Variants in GPR161 observed in about 807,000 individuals in gnomAD.
GPR161 encodes G-protein coupled receptor RE2.
A neutral mutation model predicts 39.2 loss-of-function variants in GPR161; 25 were observed. That is an observed-to-expected ratio of 0.64 (90% CI 0.47 to 0.89). The LOEUF (loss-of-function observed/expected upper bound fraction) is 0.89. GPR161 is among the 40% of genes least tolerant of loss of function. The pLI is 0.00. For missense variants in GPR161, 547 were observed against 677.8 expected (o/e 0.81, Z 2.14); for synonymous variants, 286 against 276.6 (o/e 1.03, Z -0.34).
At chr1:168,094,515 C>A (rs561151619) in intron 3 of GPR161, among the ~76,000 whole-genome samples, 2 of 152,148 alleles carry the variant, frequency 1.3e-5, no homozygotes, top group African/African-American at 4.8e-5. Flanking sequence ...TCCATCAGCC[C>A]GTGAAATAAA....
chr1:168,080,131 T>C lies in GPR161; in HGVS notation c.*5400A>G, dbSNP rs1425203215. The C allele has an allele frequency of 6.6e-6, 1 of 152,046 alleles. No homozygotes were observed. Among genetic ancestry groups the C allele is most frequent in the East Asian group, 1.9e-4 (1 of 5,194 alleles). 9.4% of individuals were successfully genotyped at this position (152,046 alleles called of 1,614,324 possible). On this transcript the variant is annotated 3_prime_UTR_variant, in exon 6 of 6. Transcript: ENST00000682931. ...TTTGGAATCCAAAGTATTTGTTAGA[T>C]ACTTTCCAGTGAGTCCAGTCACTTT...
At chr1:168,087,340 T>G (rs1694617041) in intron 5 of GPR161, among the ~76,000 whole-genome samples, 1 of 151,822 alleles carries the variant, frequency 6.6e-6, no homozygotes, top group South Asian at 2.1e-4. Flanking sequence ...TGTGGGTGTG[T>G]GTGTGTGTGT....
chr1:168,096,503 G>GT lies in GPR161; in HGVS notation c.1099+4dup. The GT allele has an allele frequency of 6.2e-7, 1 of 1,611,606 alleles. No individual in the cohort carries two copies. Among genetic ancestry groups the GT allele is most frequent in the Non-Finnish European group, 8.5e-7 (1 of 1,178,620 alleles). Reference sequence around the variant, plus strand: ...GAGGGGCTATCCTAACAATGCCCAAGTTACCTGTGATCCTGTTGGAAATGC... The same window carrying GT: ...GAGGGGCTATCCTAACAATGCCCAAGTTTACCTGTGATCCTGTTGGAAATGC... On this transcript the variant is annotated splice_donor_region_variant and intron_variant, in intron 3 of 5. Transcript: ENST00000682931.
rs199578130 is a variant in GPR161, at chr1:168,096,710, G to C, written c.897C>G (p.Ser299Arg). ...AAGTCTCCAGGCTCGGGGAGACGGA[G>C]CTTTTCCCCCAGAGGGCCTCAGAGG... Reference protein sequence around the residue: ...VIASEALWGKSSVSPSLETWA... With the variant: ...VIASEALWGKRSVSPSLETWA... Residue 299 changes from serine to arginine, a missense_variant, in exon 3 of 6, where the codon AGC becomes AGG. Coordinates refer to ENST00000682931, the MANE Select transcript of GPR161 (RefSeq NM_001375883.1). 6 of 1,614,072 alleles carry C rather than the reference G, an allele frequency of 3.7e-6. No individual in the cohort carries two copies. Among genetic ancestry groups the C allele is most frequent in the African/African-American group, 2.7e-5 (2 of 75,020 alleles).
At chr1:168,123,601 T>A (rs1336988367) in intron 1 of GPR161, among the ~76,000 whole-genome samples, 2 of 145,428 alleles carry the variant, frequency 1.4e-5, no homozygotes, top group African/African-American at 5.2e-5. Flanking sequence ...GAAGCTGGAG[T>A]GGCCATTAGA....
intron 2 of GPR161, among the ~76,000 whole-genome samples, chr1:168,102,616 T>C (rs183322756): frequency 1.3e-5 from 2 of 152,140 alleles, no homozygotes; most frequent in Admixed American, 6.5e-5. Context: ...TGGTAGAAAA[T>C]CTCATTCTCA....
chr1:168,111,776 T>C (rs1289324946), intron 1 of GPR161, among the ~76,000 whole-genome samples: 1 of 152,198 alleles, frequency 6.6e-6, no homozygotes, highest in Non-Finnish European at 1.5e-5. Context: ...AGAGGTATGA[T>C]TGAACATTTT....
chr1:168,123,195 C>T (rs1451150885), intron 1 of GPR161, among the ~76,000 whole-genome samples: 1 of 152,190 alleles, frequency 6.6e-6, no homozygotes, highest in Non-Finnish European at 1.5e-5. Context: ...CCTATAATCC[C>T]AACACTTTGG....
intron 1 of GPR161, chr1:168,136,084 A>G (rs1184024531): frequency 2.1e-5 from 26 of 1,257,554 alleles, no homozygotes; most frequent in Non-Finnish European, 2.5e-5. Flanking sequence ...GAAGGCGCCG[A>G]GGGCTGGTCG....
intron 2 of GPR161, among the ~76,000 whole-genome samples, chr1:168,100,467 C>T (rs771916242): frequency 6.6e-6 from 1 of 152,092 alleles, no homozygotes; most frequent in Non-Finnish European, 1.5e-5. Context: ...TCAATCTTTC[C>T]TCCAACTCAT....
rs1379933019 is a variant in GPR161, at chr1:168,085,635, C to A, written c.1486G>T (p.Gly496Trp). 4 of 1,614,060 alleles carry A rather than the reference C, an allele frequency of 2.5e-6. No individual in the cohort carries two copies. Among genetic ancestry groups the A allele is most frequent in the African/African-American group, 1.3e-5 (1 of 74,962 alleles). The change falls in exon 6 of 6, where the codon GGG (glycine) becomes TGG (tryptophan). Residue 496 changes from glycine to tryptophan, a missense_variant. By Grantham distance (184) the Gly-to-Trp change is radical. Coordinates refer to ENST00000682931, the MANE Select transcript of GPR161 (RefSeq NM_001375883.1). ...CCTCGGCGGCCCCCGAAGCCGCCCC[C>A]CGGGACAGTCCGTGCTGTAACCAAG... is the stretch of plus-strand genomic sequence containing the variant. Reference protein sequence around the residue: ...GVLVTARTVPGGGFGGRRGSR... With the variant: ...GVLVTARTVPWGGFGGRRGSR...
chr1:168,110,340 C>T (rs149342645), intron 1 of GPR161, among the ~76,000 whole-genome samples: 1 of 151,388 alleles, frequency 6.6e-6, no homozygotes, highest in East Asian at 2.0e-4. Flanking sequence ...CTCATCTCTA[C>T]AGAAAATTAG....
intron 1 of GPR161, 25 bp from the exon 2 acceptor site, chr1:168,104,919 G>A (rs1392948230): frequency 1.9e-6 from 3 of 1,569,468 alleles, no homozygotes. Context: ...CAGGACCAGG[G>A]GACAGGAAAA....
rs1217371477 is a variant in GPR161, at chr1:168,080,777, AT to A, written c.*4753del. On this transcript the variant is annotated 3_prime_UTR_variant, in exon 6 of 6. Coordinates refer to ENST00000682931, the MANE Select transcript of GPR161 (RefSeq NM_001375883.1). ...TGGAACGTTACACCAGGCCCTGGGG[AT>A]TTGATCATCTTTGATAGTCATTCCG... The A allele has an allele frequency of 6.6e-6, 1 of 152,210 alleles. No homozygotes were observed. Among genetic ancestry groups the A allele is most frequent in the East Asian group, 1.9e-4 (1 of 5,192 alleles). 9.4% of individuals were successfully genotyped at this position (152,210 alleles called of 1,614,324 possible).
chr1:168,125,001 T>C (rs763384699), intron 1 of GPR161, among the ~76,000 whole-genome samples: 31 of 152,326 alleles, frequency 2.0e-4, no homozygotes, highest in Non-Finnish European at 2.8e-4. Context: ...CCTCATGTAT[T>C]CCTGTATAGC....
intron 5 of GPR161, among the ~76,000 whole-genome samples, chr1:168,086,602 G>A (rs1261477957): frequency 3.3e-5 from 5 of 152,204 alleles, no homozygotes; most frequent in African/African-American, 9.7e-5. Context: ...ACCACCTGGA[G>A]GGTGCCTTTG....
At chr1:168,136,648 C>T (rs1432055564) in intron 1 of GPR161, 91 bp downstream of exon 1, 2 of 1,205,540 alleles carry the variant, frequency 1.7e-6, no homozygotes, top group African/African-American at 1.6e-5. Context: ...GCGCCCTGAG[C>T]CCTCAGCCTC....
Position 168,106,954 on chromosome 1 carries a change from A to T in GPR161, c.-44-2060T>A, listed in dbSNP as rs75784198. Among the ~76,000 whole-genome samples the T allele has an allele frequency of 2.9e-3, 441 of 152,314 alleles. 1 individual carries two copies. The highest frequency in any genetic ancestry group is 0.01 in the African/African-American group (420 of 41,568). On this transcript the variant is annotated intron_variant, in intron 1 of 5. Transcript: ENST00000682931. ...AGTTCTGGGTTTGTTGACTCTAATAAGTAAATTATTAATTAACGTCTCAAA... is the reference window on the plus strand; with the variant it reads ...AGTTCTGGGTTTGTTGACTCTAATATGTAAATTATTAATTAACGTCTCAAA...
rs1694345177 is a variant in GPR161, at chr1:168,085,010, C to T, written c.*521G>A. ...GGACCAGTCCTAGAACTGAGGGTCC[C>T]ACACTGCCCGCATCAACCATGTAGA... On this transcript the variant is annotated 3_prime_UTR_variant, in exon 6 of 6. Coordinates refer to ENST00000682931, the MANE Select transcript of GPR161 (RefSeq NM_001375883.1). The T allele has an allele frequency of 6.6e-6, 3 of 456,206 alleles. No homozygotes were observed. Among genetic ancestry groups the T allele is most frequent in the Non-Finnish European group, 1.3e-5 (3 of 227,046 alleles). 28.3% of individuals were successfully genotyped at this position (456,206 alleles called of 1,614,324 possible).
Sources: gnomAD v4.1 joint callset for allele counts (sites outside exome capture counted in the v4.1 genomes callset) on GRCh38, gnomAD v4.1.1 for gene constraint, MANE v1.5 for transcripts, NCBI Gene and HGNC (gene_info 2026-07-23, HGNC 2026-07-21) for gene names.